Variants in KATNA1 observed in about 807,000 individuals in gnomAD.
KATNA1 encodes katanin catalytic subunit A1.
Under a neutral mutation model 62.6 loss-of-function variants are expected in KATNA1, and 42 were observed. The observed-to-expected ratio is 0.67, with a 90% CI of 0.52 to 0.87. The LOEUF (loss-of-function observed/expected upper bound fraction) is 0.87, where lower values mean the gene tolerates loss of function less well. Among genes scored for constraint, KATNA1 ranks in the 40% least tolerant of loss-of-function variants. The pLI is 0.00. For synonymous variants in KATNA1, 186 were observed against 201.9 expected (o/e 0.92, Z 0.67); for missense variants, 498 against 612.5 (o/e 0.81, Z 1.97).
At chr6:149,617,092 T>C (rs1231303452) in intron 4 of KATNA1, among the ~76,000 whole-genome samples, 1 of 152,226 alleles carries the variant, frequency 6.6e-6, no homozygotes, top group Non-Finnish European at 1.5e-5. Flanking sequence ...TCAGATGAGG[T>C]ACCTCGAATA....
intron 1 of KATNA1, among the ~76,000 whole-genome samples, chr6:149,648,164 G>C (rs1780560176): frequency 6.6e-6 from 1 of 152,126 alleles, no homozygotes; most frequent in African/African-American, 2.4e-5. Flanking sequence ...GTTCTGGAGA[G>C]AACCAGTCGA....
At position 149,604,589 on chromosome 6, in the gene KATNA1, C is replaced by T. The variant is rs1167976842; in HGVS notation, c.623+72G>A. ...CTCAAGCTCTGCTCTTCAGTACATG[C>T]TCACATTTGCTCCATTTTCCATTCC... On this transcript the variant is annotated intron_variant, in intron 5 of 10. Transcript: ENST00000367411. The T allele has an allele frequency of 7.9e-6, 12 of 1,511,224 alleles. No individual in the cohort carries two copies. The East Asian group carries it at 2.5e-4, about 31-fold the overall frequency. 93.6% of individuals were successfully genotyped at this position (1,511,224 alleles called of 1,614,324 possible).
At chr6:149,598,587 G>T (rs148307042) in intron 7 of KATNA1, among the ~76,000 whole-genome samples, 1 of 151,978 alleles carries the variant, frequency 6.6e-6, no homozygotes, top group African/African-American at 2.4e-5. Flanking sequence ...GTTGAGTGTG[G>T]TTACACGTGT....
intron 4 of KATNA1, among the ~76,000 whole-genome samples, chr6:149,607,235 G>C (rs997096496): frequency 2.0e-5 from 3 of 152,212 alleles, no homozygotes; most frequent in African/African-American, 7.2e-5. Flanking sequence ...AAAGAAAGCT[G>C]TGGAACTTCA....
intron 3 of KATNA1, among the ~76,000 whole-genome samples, chr6:149,630,650 A>G (rs1449963487): frequency 6.6e-6 from 1 of 152,142 alleles, no homozygotes; most frequent in African/African-American, 2.4e-5. Flanking sequence ...AATAAAAATA[A>G]AAGTGGCTAA....
At chr6:149,621,493 A>G (rs1779392073) in intron 4 of KATNA1, among the ~76,000 whole-genome samples, 1 of 150,598 alleles carries the variant, frequency 6.6e-6, no homozygotes, top group Non-Finnish European at 1.5e-5. Context: ...CCAAAAATGA[A>G]TAATTTTTTT....
At chr6:149,597,323 A>G in intron 9 of KATNA1, 134 bp from the exon 10 acceptor site, 1 of 1,226,098 alleles carries the variant, frequency 8.2e-7, no homozygotes, top group Non-Finnish European at 1.1e-6. Flanking sequence ...TTAAGTAAAG[A>G]GCCATTCTTT....
intron 2 of KATNA1, among the ~76,000 whole-genome samples, chr6:149,635,013 T>C (rs1168735517): frequency 5.3e-5 from 8 of 149,892 alleles, no homozygotes; most frequent in Middle Eastern, 3.2e-3. Flanking sequence ...TGCAGTAAAA[T>C]GGCCCTAGTT....
rs530316401 is a variant in KATNA1, at chr6:149,627,669, G to A, written c.321-4386C>T. ...TGCATTCCAGCCTGGGTGACAGAGT[G>A]AGACTCTGTCTCAAAAAAAAAGAGA... On this transcript the variant is annotated intron_variant, in intron 3 of 10. Transcript: ENST00000367411. Among the ~76,000 whole-genome samples, 155 of 137,756 alleles carry A rather than the reference G, an allele frequency of 1.1e-3. 3 individuals are homozygous for A. Among genetic ancestry groups the A allele is most frequent in the African/African-American group, 3.3e-3 (121 of 37,180 alleles). 90.4% of individuals were successfully genotyped at this position (137,756 alleles called of 152,430 possible). A position where few individuals can be genotyped will look rare whatever the true frequency, so the allele number is the denominator to read the frequency against.
intron 1 of KATNA1, among the ~76,000 whole-genome samples, chr6:149,640,873 T>C (rs1249293206): frequency 6.7e-6 from 1 of 149,860 alleles, no homozygotes; most frequent in Non-Finnish European, 1.5e-5. Flanking sequence ...TTGTTGTTTT[T>C]GTTTTTGTTT....
chr6:149,613,498 A>C (rs1278949041), intron 4 of KATNA1, among the ~76,000 whole-genome samples: 2 of 152,178 alleles, frequency 1.3e-5, no homozygotes, highest in African/African-American at 2.4e-5. Context: ...AGAATGAACA[A>C]TTCTAGCATA....
intron 2 of KATNA1, among the ~76,000 whole-genome samples, chr6:149,634,258 G>A (rs961726714): frequency 9.5e-6 from 1 of 105,328 alleles, no homozygotes; most frequent in Non-Finnish European, 1.8e-5. Flanking sequence ...GGGCAACAGA[G>A]CAAGACTCCA....
intron 2 of KATNA1, among the ~76,000 whole-genome samples, chr6:149,637,553 G>A (rs540134145): frequency 5.9e-5 from 9 of 152,030 alleles, no homozygotes; most frequent in South Asian, 2.1e-4. Flanking sequence ...TTGGCTAGGC[G>A]TGGTGGCTCA....
At chr6:149,639,900 G>T (rs1006579409) in intron 1 of KATNA1, among the ~76,000 whole-genome samples, 2 of 152,150 alleles carry the variant, frequency 1.3e-5, no homozygotes, top group African/African-American at 4.8e-5. Flanking sequence ...TATGATCCTT[G>T]CATGACACAC....
chr6:149,641,439 G>A (rs1244346397), intron 1 of KATNA1, among the ~76,000 whole-genome samples: 2 of 151,866 alleles, frequency 1.3e-5, no homozygotes, highest in Non-Finnish European at 2.9e-5. Flanking sequence ...GCCTCCCAGA[G>A]TGCTGGGATT....
chr6:149,623,248 T>C lies in KATNA1; in HGVS notation c.356A>G (p.Gln119Arg), dbSNP rs771078818. Residue 119 changes from glutamine to arginine, a missense_variant, in exon 4 of 11, where the codon CAG (glutamine) becomes CGG (arginine). Physicochemically the swap from Gln to Arg is conservative, Grantham distance 43. Around this residue, in one of 3 missense-constraint regions of KATNA1, gnomAD observed 203 missense variants for 198.4 expected, o/e 1.02. Transcript: ENST00000367411. ...SPGPRKRQSS[Q>R]YSDPKSHGNR... ...ACCATGTGATTTAGGGTCACTGTAC[T>C]GAGAAGATTGGCGTTTTCTAGGTCC... 2 of 1,602,906 alleles carry C rather than the reference T, an allele frequency of 1.2e-6. No individual in the cohort carries two copies. The highest frequency in any genetic ancestry group is 8.5e-7 in the Non-Finnish European group (1 of 1,177,454).
intron 9 of KATNA1, 102 bp from the exon 10 acceptor site, chr6:149,597,291 T>A: frequency 7.5e-7 from 1 of 1,336,770 alleles, no homozygotes; most frequent in Non-Finnish European, 1.0e-6. Context: ...CCAGTAAGAA[T>A]TGGATCTCTA....
Position 149,623,210 on chromosome 6 carries a change from T to C in KATNA1, c.394A>G (p.Thr132Ala). ...DPKSHGNRPS[T>A]TVRVHRSSAQ... ...GATGAACGGTGAACTCTGACAGTTG[T>C]ACTTGGACGATTACCATGTGATTTA... is the stretch of plus-strand genomic sequence containing the variant. Residue 132 changes from threonine (T) to alanine (A), a missense_variant, in exon 4 of 11, where the codon ACA (threonine) becomes GCA (alanine). This residue lies in a region of KATNA1 where 203 missense variants were observed against 198.4 expected (regional missense o/e 1.02). Transcript: ENST00000367411. 1 of 1,613,864 alleles carries C rather than the reference T, an allele frequency of 6.2e-7. No individual in the cohort carries two copies. The highest frequency in any genetic ancestry group is 8.5e-7 in the Non-Finnish European group (1 of 1,179,848).
intron 7 of KATNA1, among the ~76,000 whole-genome samples, chr6:149,600,205 A>AAAT (rs2115079526): frequency 6.7e-6 from 1 of 150,148 alleles, no homozygotes; most frequent in East Asian, 1.9e-4. Flanking sequence ...AAAAAAAAAA[A>AAAT]AAAAAAAAAA....
Sources: allele counts gnomAD v4.1 joint callset (sites outside exome capture counted in the v4.1 genomes callset), GRCh38; gene constraint gnomAD v4.1.1; regional missense constraint gnomAD v4.1.1; transcripts MANE v1.5; gene names NCBI Gene and HGNC (gene_info 2026-07-23, HGNC 2026-07-21).